The following POLN variants were observed in gnomAD, a reference collection of about 807,000 sequenced individuals.
POLN encodes DNA polymerase N.
POLN carries 108 observed loss-of-function variants against 113.5 expected under a neutral mutation model. The observed-to-expected ratio is 0.95, with a 90% CI of 0.81 to 1.12. The LOEUF is 1.12. Among genes scored for constraint, POLN ranks in the 50% most tolerant of loss-of-function variants. The pLI is 0.00. For synonymous variants in POLN, 386 were observed against 391.5 expected (o/e 0.99, Z 0.17); for missense variants, 1,097 against 1,077.1 (o/e 1.02, Z -0.26).
rs761050195 is a variant in POLN at position 2,232,017 on chromosome 4, T to C, written c.-12-2774A>G. ...GATAATCTTCATCTTTTAAAAAATA[T>C]ACATAGAATTCTCTTTCCATTTGAT... On this transcript the variant is annotated intron_variant, in intron 2 of 25. Coordinates refer to ENST00000511885, the MANE Select transcript of POLN (RefSeq NM_181808.4). 228 of 1,505,290 alleles carry C rather than the reference T, an allele frequency of 1.5e-4. 2 individuals are homozygous for C. The South Asian group carries it at 2.2e-3, about 14-fold the overall frequency. 93.2% of individuals were successfully genotyped at this position (1,505,290 alleles called of 1,614,324 possible). A position where few individuals can be genotyped will look rare whatever the true frequency, so the allele number is the denominator to read the frequency against.
chr4:2,090,422 T>C, intron 20 of POLN: 1 of 606,676 alleles, frequency 1.6e-6, no homozygotes, highest in Non-Finnish European at 3.0e-6. Context: ...GAAACATAAT[T>C]GAAAGATTCT....
At chr4:2,157,704 C>T (rs985676092) in intron 15 of POLN, among the ~76,000 whole-genome samples, 154 bp downstream of exon 15, 20 of 108,340 alleles carry the variant, frequency 1.8e-4, no homozygotes, top group African/African-American at 7.3e-4. Context: ...GCCCGGGCGA[C>T]AGTGCAAGAC....
intron 2 of POLN, chr4:2,239,891 C>G: frequency 1.2e-5 from 8 of 650,118 alleles, no homozygotes; most frequent in Non-Finnish European, 2.1e-5. Flanking sequence ...GAAACATTGA[C>G]ACAGATCACA....
chr4:2,170,643 A>T, intron 13 of POLN, 36 bp downstream of exon 13: 1 of 1,564,922 alleles, frequency 6.4e-7, no homozygotes, highest in Non-Finnish European at 8.8e-7. Context: ...ACATGCTGTC[A>T]TTCTAAAAAG....
At position 2,159,188 on chromosome 4, in the gene POLN, A is replaced by G; in HGVS notation, c.1578T>C (p.His526=). The part of the protein sequence containing the change: ...EAVLNALRDL[H]PLPKIILEYR... ...ATTCCAAAATTATCTTGGGTAATGG[A>G]TGAAGGTCTCGCAGAGCATTTAACT... The change falls in exon 14 of 26, where the codon CAT becomes CAC. Residue 526 remains histidine (H), a synonymous_variant. Coordinates refer to ENST00000511885, the MANE Select transcript of POLN (RefSeq NM_181808.4). 1 of 1,608,922 alleles carries G rather than the reference A, an allele frequency of 6.2e-7. No individual in the cohort carries two copies.
In POLN at chr4:2,126,444, C is replaced by T. The variant is rs1469908901; in HGVS notation, c.1982+1669G>A. ...GACAAATCCTTTGTGAGTCCCCACC[C>T]TTTGTGGAGCACAGTAGGGACGAGG... On this transcript the variant is annotated intron_variant, in intron 19 of 25. Coordinates refer to ENST00000511885, the MANE Select transcript of POLN (RefSeq NM_181808.4). The surrounding 1 kb of genome is among the most constrained non-coding windows in gnomAD (Gnocchi z 4.6). Among the ~76,000 whole-genome samples, 1 of 152,206 alleles carries T rather than the reference C, an allele frequency of 6.6e-6. No homozygotes were observed. The highest frequency in any genetic ancestry group is 1.9e-4 in the East Asian group (1 of 5,194).
chr4:2,186,619 C>T (rs915493687), intron 7 of POLN, among the ~76,000 whole-genome samples: 3 of 152,168 alleles, frequency 2.0e-5, no homozygotes, highest in Admixed American at 6.5e-5. Context: ...GACCAAAAAT[C>T]TCTGAGCAAA....
chr4:2,165,943 A>G (rs983338370), intron 13 of POLN, among the ~76,000 whole-genome samples: 4 of 151,952 alleles, frequency 2.6e-5, no homozygotes, highest in African/African-American at 4.8e-5. Flanking sequence ...TACCTGGCTA[A>G]TTTTTAAATT....
intron 3 of POLN, among the ~76,000 whole-genome samples, chr4:2,223,879 G>C (rs1478880767): frequency 6.6e-6 from 1 of 152,176 alleles, no homozygotes; most frequent in Non-Finnish European, 1.5e-5. Flanking sequence ...GAGTAAGTGT[G>C]AAACCTTAGT....
intron 2 of POLN, chr4:2,238,669 ATC>A: frequency 8.1e-6 from 13 of 1,613,178 alleles, no homozygotes; most frequent in Non-Finnish European, 1.1e-5. Flanking sequence ...AAACTGATGG[ATC>A]TGTTAACATT....
chr4:2,083,362 C>T (rs975790395), intron 21 of POLN, among the ~76,000 whole-genome samples: 12 of 152,194 alleles, frequency 7.9e-5, no homozygotes, highest in Admixed American at 6.5e-5. Flanking sequence ...AGACACAGGG[C>T]GTTCTTAGGA....
chr4:2,241,692 A>G lies in POLN; in HGVS notation c.-185T>C. 1.0e-6 allele frequency: 1 copy of G among 985,534 alleles called. No individual in the cohort carries two copies. Among genetic ancestry groups the G allele is most frequent in the South Asian group, 4.7e-5 (1 of 21,294 alleles). The allele number at this position is 985,534 out of a possible 1,614,324, so 61.0% of individuals were successfully genotyped here. A position where few individuals can be genotyped will look rare whatever the true frequency, so the allele number is the denominator to read the frequency against. On this transcript the variant is annotated 5_prime_UTR_variant, in exon 2 of 26. Coordinates refer to ENST00000511885, the MANE Select transcript of POLN (RefSeq NM_181808.4). Reference sequence around the variant, plus strand: ...CCGCGCGAACCCCAGAGGCAGCGGCAAGCCCCAGGGATCCGCGGCCCCAAG... The same window carrying G: ...CCGCGCGAACCCCAGAGGCAGCGGCGAGCCCCAGGGATCCGCGGCCCCAAG...
At position 2,198,637 on chromosome 4, in the gene POLN, C is replaced by A. The variant is rs778509301; in HGVS notation, c.795G>T (p.Pro265=). 1 of 1,613,684 alleles carries A rather than the reference C, an allele frequency of 6.2e-7. No individual in the cohort carries two copies. ...AEGGHGCPDA[P]ACGPVLEGFV... ...AGCCCTCCAGAACAGGACCACAGGC[C>A]GGGGCATCTGGACAGCCATGGCCAC... The change falls in exon 6 of 26, where the codon CCG becomes CCT. Residue 265 remains proline (P), a synonymous_variant. Transcript: ENST00000511885.
chr4:2,086,788 G>A (rs1730561234), intron 20 of POLN, among the ~76,000 whole-genome samples: 1 of 152,206 alleles, frequency 6.6e-6, no homozygotes, highest in African/African-American at 2.4e-5. Flanking sequence ...GGGACCAGCA[G>A]TGGTCTTGGC....
At chr4:2,136,652 T>G (rs1159018137) in intron 16 of POLN, among the ~76,000 whole-genome samples, 1 of 152,260 alleles carries the variant, frequency 6.6e-6, no homozygotes, top group Non-Finnish European at 1.5e-5. Flanking sequence ...TGGAATGCTA[T>G]GCAGGGAATA....
intron 18 of POLN, among the ~76,000 whole-genome samples, chr4:2,128,506 C>T (rs576784669): frequency 1.3e-4 from 20 of 152,258 alleles, no homozygotes; most frequent in South Asian, 8.3e-4. Flanking sequence ...TAGGCCCCAT[C>T]AACAAAGTGA....
intron 20 of POLN, among the ~76,000 whole-genome samples, chr4:2,086,569 T>A (rs1255077491): frequency 6.6e-6 from 1 of 152,194 alleles, no homozygotes; most frequent in Non-Finnish European, 1.5e-5. Context: ...TGGTTTCTAC[T>A]TGGTGCTCAA....
intron 13 of POLN, among the ~76,000 whole-genome samples, chr4:2,167,593 C>A (rs1024282668): frequency 6.6e-6 from 1 of 152,140 alleles, no homozygotes; most frequent in Non-Finnish European, 1.5e-5. Context: ...TCTCTTATCA[C>A]ACTTCATTTA....
intron 11 of POLN, among the ~76,000 whole-genome samples, chr4:2,172,431 CCTTAG>C (rs1732886894): frequency 6.6e-6 from 1 of 152,250 alleles, no homozygotes; most frequent in African/African-American, 2.4e-5. Context: ...GTGTATTCGC[CCTTAG>C]CTTCCTTTTA....
Sources: allele counts gnomAD v4.1 joint callset (sites outside exome capture counted in the v4.1 genomes callset), GRCh38; gene constraint gnomAD v4.1.1; non-coding constraint Gnocchi (gnomAD v3.1); transcripts MANE v1.5; gene names NCBI Gene and HGNC (gene_info 2026-07-23, HGNC 2026-07-21).